The following PSMD1 variants were observed in gnomAD, a reference collection of about 807,000 sequenced individuals.
The protein encoded by PSMD1 is proteasome 26S subunit, non-ATPase 1, also known as 26S proteasome non-ATPase regulatory subunit 1.
PSMD1 carries 18 observed loss-of-function variants against 119.0 expected under a neutral mutation model. That is an observed-to-expected ratio of 0.15 (90% CI 0.10 to 0.22). PSMD1 has a LOEUF of 0.22. Ranked by LOEUF, PSMD1 falls within the 10% of genes least tolerant of loss-of-function variation. PSMD1 has a pLI of 1.00. For synonymous variants in PSMD1, 374 were observed against 396.6 expected (o/e 0.94, Z 0.68); for missense variants, 702 against 1,158.5 (o/e 0.61, Z 5.72).
In PSMD1 at chr2:231,095,255, T is replaced by C. The variant is rs535441385; in HGVS notation, c.1883+8074T>C. On this transcript the variant is annotated intron_variant, in intron 16 of 24. Transcript: ENST00000308696. ...AGCTTATCAGTAGTCATGCCCAAGG[T>C]GGGACGAAGCCAATTAATATTGCCC... Among the ~76,000 whole-genome samples the C allele has an allele frequency of 2.0e-5, 3 of 152,336 alleles. No homozygotes were observed. The East Asian group carries it at 5.8e-4, about 29-fold the overall frequency.
At chr2:231,142,709 A>C (rs1696154104) in intron 17 of PSMD1, among the ~76,000 whole-genome samples, 1 of 152,106 alleles carries the variant, frequency 6.6e-6, no homozygotes, top group Non-Finnish European at 1.5e-5. Flanking sequence ...TGTACCTCAA[A>C]GGCCGAGTTA....
chr2:231,083,066 C>T (rs140498298), intron 13 of PSMD1, 72 bp downstream of exon 13: 8 of 1,146,412 alleles, frequency 7.0e-6, no homozygotes, highest in Non-Finnish European at 1.0e-5. Context: ...TAGTTTCTAC[C>T]TATATTTTGT....
intron 18 of PSMD1, among the ~76,000 whole-genome samples, chr2:231,149,454 C>T (rs1344409069): frequency 6.6e-6 from 1 of 152,118 alleles, no homozygotes; most frequent in Non-Finnish European, 1.5e-5. Flanking sequence ...GAACAACATC[C>T]CAAGACCCTA....
intron 9 of PSMD1, among the ~76,000 whole-genome samples, chr2:231,078,166 A>G (rs1217548996): frequency 1.3e-5 from 2 of 152,106 alleles, no homozygotes; most frequent in Non-Finnish European, 2.9e-5. Context: ...TACTCGCGAG[A>G]CTGAGGCAGG....
At position 231,170,784 on chromosome 2, in the gene PSMD1, C is replaced by T; in HGVS notation, c.*9+63C>T. The T allele has an allele frequency of 6.8e-7, 1 of 1,461,874 alleles. No individual in the cohort carries two copies. The highest frequency in any genetic ancestry group is 2.4e-5 in the East Asian group (1 of 42,096). The allele number at this position is 1,461,874 out of a possible 1,614,324, so 90.6% of individuals were successfully genotyped here. A position where few individuals can be genotyped will look rare whatever the true frequency, so the allele number is the denominator to read the frequency against. The stretch of plus-strand genomic sequence containing the variant: ...GTCAATACTTCACAAATGTTTTTTG[C>T]AAGGACATCATCTCACGTTTTTCCT... On this transcript the variant is annotated intron_variant, in intron 24 of 24. Transcript: ENST00000308696. The surrounding 1 kb of genome is among the most constrained non-coding windows in gnomAD (Gnocchi z 4.1).
At chr2:231,103,345 C>T (rs1175714870) in intron 16 of PSMD1, among the ~76,000 whole-genome samples, 1 of 152,144 alleles carries the variant, frequency 6.6e-6, no homozygotes, top group South Asian at 2.1e-4. Context: ...TCACAAAATC[C>T]TTATGACATA....
At chr2:231,141,298 C>A (rs535450819) in intron 17 of PSMD1, among the ~76,000 whole-genome samples, 33 of 146,112 alleles carry the variant, frequency 2.3e-4, no homozygotes, top group African/African-American at 8.0e-4. Flanking sequence ...GGGACTCTGT[C>A]TCAAAAGAAA....
At chr2:231,149,660 G>C (rs1696329711) in intron 18 of PSMD1, among the ~76,000 whole-genome samples, 1 of 152,240 alleles carries the variant, frequency 6.6e-6, no homozygotes, top group East Asian at 1.9e-4. Context: ...TTTGGAAGTA[G>C]AATTAAGCTC....
intron 7 of PSMD1, among the ~76,000 whole-genome samples, chr2:231,073,225 A>G (rs1306377947): frequency 1.3e-5 from 2 of 152,220 alleles, no homozygotes; most frequent in African/African-American, 2.4e-5. Context: ...GGTAACATCA[A>G]AGATCACTGA....
chr2:231,153,819 A>C (rs1333950352), intron 19 of PSMD1, among the ~76,000 whole-genome samples, 153 bp downstream of exon 19: 1 of 152,186 alleles, frequency 6.6e-6, no homozygotes, highest in African/African-American at 2.4e-5. Flanking sequence ...GATCATGTAC[A>C]TTTAAGAGTA....
At chr2:231,106,599 C>CA (rs1268311485) in intron 16 of PSMD1, among the ~76,000 whole-genome samples, 1 of 151,518 alleles carries the variant, frequency 6.6e-6, no homozygotes, top group Non-Finnish European at 1.5e-5. Flanking sequence ...GCCTGGGTAA[C>CA]AGAGTGAGAA....
intron 15 of PSMD1, 90 bp downstream of exon 15, chr2:231,085,204 G>A (rs1393457289): frequency 6.7e-6 from 7 of 1,039,822 alleles, no homozygotes; most frequent in East Asian, 2.5e-5. Context: ...CATCCACAGC[G>A]CATGACCACC....
Position 231,161,485 on chromosome 2 carries a change from C to A in PSMD1, c.2364C>A (p.Val788=). 1 of 1,614,018 alleles carries A rather than the reference C, an allele frequency of 6.2e-7. No homozygotes were observed. ...FLSLAYTPTC[V]IGLNKDLKMP... is the part of the protein sequence containing the mutation. ...CATTGGCTTATACCCCTACCTGTGT[C>A]ATTGGCCTTAACAAGGACTTAAAGG... Residue 788 remains valine, a synonymous_variant, in exon 20 of 25, where the codon GTC becomes GTA. Coordinates refer to ENST00000308696, the MANE Select transcript of PSMD1 (RefSeq NM_002807.4).
intron 16 of PSMD1, among the ~76,000 whole-genome samples, chr2:231,128,978 G>A (rs1211376630): frequency 6.6e-6 from 1 of 152,060 alleles, no homozygotes; most frequent in Non-Finnish European, 1.5e-5. Context: ...GTCATAAAAT[G>A]GTGTTGTCCT....
At chr2:231,134,648 T>C (rs1033746656) in intron 16 of PSMD1, among the ~76,000 whole-genome samples, 8 of 152,198 alleles carry the variant, frequency 5.3e-5, no homozygotes, top group African/African-American at 1.7e-4. Flanking sequence ...AATATGGTTT[T>C]TCTACCTACT....
At chr2:231,075,398 C>T in intron 7 of PSMD1, 113 bp from the exon 8 acceptor site, 1 of 893,722 alleles carries the variant, frequency 1.1e-6, no homozygotes. Flanking sequence ...AATGGTAATA[C>T]TTTAGTAAAC....
At position 231,165,934 on chromosome 2, in the gene PSMD1, T is replaced by G; in HGVS notation, c.2632T>G (p.Leu878Val). The G allele has an allele frequency of 6.2e-7, 1 of 1,613,908 alleles. No individual in the cohort carries two copies. The highest frequency in any genetic ancestry group is 8.5e-7 in the Non-Finnish European group (1 of 1,179,834). The change falls in exon 23 of 25, where the codon TTG (leucine) becomes GTG (valine). Residue 878 changes from leucine (L) to valine (V), a missense_variant. By Grantham distance (32) the Leu-to-Val change is conservative (BLOSUM62 1). Coordinates refer to ENST00000308696, the MANE Select transcript of PSMD1 (RefSeq NM_002807.4). Reference sequence around the variant, plus strand: ...AGAACCTGAGCCAAACTTCCAGTTATTGGATAACCCAGCCCGAGTTATGCC... The same window carrying G: ...AGAACCTGAGCCAAACTTCCAGTTAGTGGATAACCCAGCCCGAGTTATGCC... Reference protein sequence around the residue: ...KKEPEPNFQLLDNPARVMPAQ... With the variant: ...KKEPEPNFQLVDNPARVMPAQ...
At chr2:231,109,558 A>G (rs1695085704) in intron 16 of PSMD1, 2 of 690,526 alleles carry the variant, frequency 2.9e-6, no homozygotes, top group Non-Finnish European at 4.9e-6. Context: ...CGAAGCATTC[A>G]TCAGTGAAGA....
intron 16 of PSMD1, among the ~76,000 whole-genome samples, chr2:231,134,147 T>G (rs2125244030): frequency 6.6e-6 from 1 of 152,342 alleles, no homozygotes; most frequent in African/African-American, 2.4e-5. Flanking sequence ...ATATTATACC[T>G]TATGATGAAC....
Sources: gnomAD v4.1 joint callset for allele counts (sites outside exome capture counted in the v4.1 genomes callset) on GRCh38, gnomAD v4.1.1 for gene constraint, Gnocchi (gnomAD v3.1) non-coding constraint, MANE v1.5 for transcripts, NCBI Gene and HGNC (gene_info 2026-07-23, HGNC 2026-07-21) for gene names.